CNGA3: variants seen among roughly 807,000 people sequenced by gnomAD.
CNGA3 encodes the protein cyclic nucleotide gated channel subunit alpha 3, also known as cyclic nucleotide-gated channel alpha-3.
Under a neutral mutation model 46.6 loss-of-function variants are expected in CNGA3, and 42 were observed. The ratio of observed to expected loss-of-function variants is 0.90; its 90% confidence interval spans 0.70 to 1.17. The LOEUF (loss-of-function observed/expected upper bound fraction) is 1.17, where lower values mean the gene tolerates loss of function less well. CNGA3 is among the 50% of genes most tolerant of loss of function. CNGA3 has a pLI of 0.00. For synonymous variants in CNGA3, 394 were observed against 369.4 expected, an observed-to-expected ratio of 1.07 and a Z score of -0.76; for missense variants, 893 against 890.7, an observed-to-expected ratio of 1.00 and a Z score of -0.03.
In CNGA3 at chr2:98,353,649, A is replaced by T. The variant is rs142167072; in HGVS notation, c.-38+7115A>T. On this transcript the variant is annotated intron_variant, in intron 1 of 7. Coordinates refer to ENST00000272602, the MANE Select transcript of CNGA3 (RefSeq NM_001298.3). ...TTGTGGTTTTTGCCATTACCAATCT[A>T]ATAAATAACCTACTGTATTAGTCCA... Among the ~76,000 whole-genome samples, 134 of 152,368 alleles carry T rather than the reference A, an allele frequency of 8.8e-4. 1 individual carries two copies. The highest frequency in any genetic ancestry group is 3.1e-3 in the African/African-American group (128 of 41,582).
At chr2:98,392,542 C>T (rs1692814522) in intron 7 of CNGA3, among the ~76,000 whole-genome samples, 1 of 145,150 alleles carries the variant, frequency 6.9e-6, no homozygotes, top group African/African-American at 2.6e-5. Context: ...ACCTGGGTGA[C>T]ATAGCAACAT....
At position 98,396,496 on chromosome 2, in the gene CNGA3, C is replaced by T. The variant is rs1430267924; in HGVS notation, c.1326C>T (p.Asp442=). ...DLETRVIRWF[D]YLWANKKTVD... The stretch of plus-strand genomic sequence containing the variant: ...AGACGCGGGTTATCCGGTGGTTTGA[C>T]TACCTGTGGGCCAACAAGAAGACGG... Residue 442 remains aspartate (D), a synonymous_variant, in exon 8 of 8, where the codon GAC becomes GAT. Coordinates refer to ENST00000272602, the MANE Select transcript of CNGA3 (RefSeq NM_001298.3). The T allele has an allele frequency of 1.9e-6, 3 of 1,613,990 alleles. No homozygotes were observed. The East Asian group carries it at 6.7e-5, about 36-fold the overall frequency.
intron 4 of CNGA3, 87 bp downstream of exon 4, chr2:98,380,441 A>G: frequency 6.6e-7 from 1 of 1,503,772 alleles, no homozygotes; most frequent in Non-Finnish European, 9.1e-7. Context: ...GTTTGGATGC[A>G]GCACAGGTGG....
chr2:98,354,854 C>T (rs1023164386), intron 1 of CNGA3, among the ~76,000 whole-genome samples: 2 of 152,184 alleles, frequency 1.3e-5, no homozygotes, highest in Non-Finnish European at 2.9e-5. Flanking sequence ...TGATGGCATA[C>T]TTTGATACAC....
At position 98,395,881 on chromosome 2, in the gene CNGA3, C is replaced by T. The variant is rs748741810; in HGVS notation, c.711C>T (p.Asn237=). 4 of 1,614,204 alleles carry T rather than the reference C, an allele frequency of 2.5e-6. No individual in the cohort carries two copies. The Admixed American group carries it at 6.7e-5, about 27-fold the overall frequency. ...AAGGCTTAATGGTCAGTGATACCAA[C>T]AGGCTGTGGCAGCATTACAAGACGA... ...LEQGLMVSDT[N]RLWQHYKTTT... Residue 237 remains asparagine (N), a synonymous_variant, in exon 8 of 8, where the codon AAC becomes AAT. Coordinates refer to ENST00000272602, the MANE Select transcript of CNGA3 (RefSeq NM_001298.3).
chr2:98,383,466 G>A, intron 5 of CNGA3, 25 bp downstream of exon 5: 1 of 1,613,998 alleles, frequency 6.2e-7, no homozygotes. Context: ...ACCCAGCAGA[G>A]CCCTCCCCAA....
At chr2:98,376,199 G>A (rs1233789407) in intron 2 of CNGA3, among the ~76,000 whole-genome samples, 1 of 152,140 alleles carries the variant, frequency 6.6e-6, no homozygotes, top group Non-Finnish European at 1.5e-5. Flanking sequence ...GGTTTTCGCT[G>A]ACTGTAGCTG....
chr2:98,378,128 A>G, intron 3 of CNGA3: 1 of 1,550,842 alleles, frequency 6.4e-7, no homozygotes, highest in South Asian at 1.2e-5. Flanking sequence ...GAGACCTTTG[A>G]TTGGGTGGAC....
intron 3 of CNGA3, 122 bp downstream of exon 3, chr2:98,377,922 C>A: frequency 7.7e-7 from 1 of 1,304,262 alleles, no homozygotes; most frequent in South Asian, 1.4e-5. Flanking sequence ...AAGAAAGGGT[C>A]AGGAGCAGAG....
intron 1 of CNGA3, among the ~76,000 whole-genome samples, chr2:98,367,559 A>G (rs181451931): frequency 7.9e-5 from 12 of 151,992 alleles, no homozygotes; most frequent in African/African-American, 2.4e-4. Context: ...AATGAGTACA[A>G]TTTCTTATGT....
chr2:98,370,842 T>C (rs909862215), intron 2 of CNGA3, among the ~76,000 whole-genome samples: 2 of 152,228 alleles, frequency 1.3e-5, no homozygotes, highest in Non-Finnish European at 2.9e-5. Flanking sequence ...TTTTCCTTTT[T>C]GTTTTTCGTG....
rs753445760 is a variant in CNGA3, at chr2:98,383,584, C to G, written c.449+143C>G. 29 of 820,742 alleles carry G rather than the reference C, an allele frequency of 3.5e-5. No individual in the cohort carries two copies. The African/African-American group carries it at 4.4e-4, about 12-fold the overall frequency. 50.8% of individuals were successfully genotyped at this position (820,742 alleles called of 1,614,324 possible). A position where few individuals can be genotyped will look rare whatever the true frequency, so the allele number is the denominator to read the frequency against. On this transcript the variant is annotated intron_variant, in intron 5 of 7. Transcript: ENST00000272602. Reference sequence around the variant, plus strand: ...GAATATTTTAGAATCCTGTTCCCTTCGTTGGAATTCCATCCCTGTGGACAG... The same window carrying G: ...GAATATTTTAGAATCCTGTTCCCTTGGTTGGAATTCCATCCCTGTGGACAG...
At chr2:98,351,688 C>G (rs1691773744) in intron 1 of CNGA3, among the ~76,000 whole-genome samples, 1 of 152,144 alleles carries the variant, frequency 6.6e-6, no homozygotes, top group South Asian at 2.1e-4. Flanking sequence ...AGTTATAGAG[C>G]AGTGACTGGT....
chr2:98,385,536 A>G lies in CNGA3; in HGVS notation c.449+2095A>G, dbSNP rs533673947. On this transcript the variant is annotated intron_variant, in intron 5 of 7. Transcript: ENST00000272602. The stretch of plus-strand genomic sequence containing the variant: ...TAACATGTTGACAAATATACTTCCA[A>G]CTTCTTCCTAGGCATATATATTGAA... Among the ~76,000 whole-genome samples the G allele has an allele frequency of 4.5e-4, 69 of 152,034 alleles. 2 individuals carry two copies. Among genetic ancestry groups the G allele is most frequent in the Admixed American group, 4.4e-3 (67 of 15,252 alleles).
At chr2:98,393,104 A>G (rs1268217368) in intron 7 of CNGA3, among the ~76,000 whole-genome samples, 1 of 152,122 alleles carries the variant, frequency 6.6e-6, no homozygotes, top group Non-Finnish European at 1.5e-5. Context: ...TGTCTCTACA[A>G]AAAGAAAAAA....
intron 2 of CNGA3, chr2:98,377,473 G>C: frequency 1.8e-6 from 1 of 567,748 alleles, no homozygotes; most frequent in Non-Finnish European, 3.2e-6. Context: ...CTGGACAGTA[G>C]CTACCTTCCT....
In CNGA3 at chr2:98,393,830, T is replaced by C. The variant is rs529583791; in HGVS notation, c.673+1860T>C. Reference sequence around the variant, plus strand: ...ACATCATTAGAATTGAGAGAAGACATCTTAAAGAAGTGGGGAGGAGGCTGG... The same window carrying C: ...ACATCATTAGAATTGAGAGAAGACACCTTAAAGAAGTGGGGAGGAGGCTGG... On this transcript the variant is annotated intron_variant, in intron 7 of 7. Transcript: ENST00000272602. 4.0e-4 allele frequency among the ~76,000 whole-genome samples: 60 copies of C among 151,856 alleles called. 1 individual carries two copies. The highest frequency in any genetic ancestry group is 1.5e-3 in the African/African-American group (60 of 41,358).
At chr2:98,380,901 G>C (rs1262581879) in intron 4 of CNGA3, among the ~76,000 whole-genome samples, 1 of 152,196 alleles carries the variant, frequency 6.6e-6, no homozygotes, top group East Asian at 1.9e-4. Context: ...AGAAATACCA[G>C]GTGGGGAAGG....
intron 2 of CNGA3, among the ~76,000 whole-genome samples, chr2:98,376,920 G>A (rs1692416214): frequency 1.3e-5 from 2 of 152,210 alleles, no homozygotes; most frequent in East Asian, 1.9e-4. Flanking sequence ...CTCTGCTGGT[G>A]TGACTGGTGG....
Sources: allele counts gnomAD v4.1 joint callset (sites outside exome capture counted in the v4.1 genomes callset), GRCh38; gene constraint gnomAD v4.1.1; transcripts MANE v1.5; gene names NCBI Gene and HGNC (gene_info 2026-07-23, HGNC 2026-07-21).